The following SCARF1 variants were observed in gnomAD, a reference collection of about 807,000 sequenced individuals.
SCARF1 encodes the protein scavenger receptor class F member 1, also known as acetyl LDL receptor.
SCARF1 carries 49 observed loss-of-function variants against 76.3 expected under a neutral mutation model. The ratio of observed to expected loss-of-function variants is 0.64; its 90% CI spans 0.51 to 0.81. The LOEUF is 0.81. Among genes scored for constraint, SCARF1 ranks in the 40% least tolerant of loss-of-function variants. SCARF1 has a pLI of 0.00. For missense variants in SCARF1, 1,098 were observed against 1,143.9 expected (o/e 0.96, Z 0.58); for synonymous variants, 495 against 474.6 (o/e 1.04, Z -0.56).
In SCARF1 at chr17:1,638,857, A is replaced by G; in HGVS notation, c.1313T>C (p.Leu438Pro). The change falls in exon 8 of 11, where the codon CTT becomes CCT. Residue 438 changes from leucine (L) to proline (P), a missense_variant. Coordinates refer to ENST00000263071, the MANE Select transcript of SCARF1 (RefSeq NM_003693.4). Reference protein sequence around the residue: ...LVPLLLLFLGLACCACCCWAP... With the variant: ...LVPLLLLFLGPACCACCCWAP... The stretch of plus-strand genomic sequence containing the variant: ...CCAGCAGCAGCAGGCACAGCAGGCA[A>G]GGCCCAGGAAGAGCAGCAGCAGAGG... 6.2e-7 allele frequency: 1 copy of G among 1,611,048 alleles called. No homozygotes were observed. The highest frequency in any genetic ancestry group is 8.5e-7 in the Non-Finnish European group (1 of 1,178,416).
intron 4 of SCARF1, among the ~76,000 whole-genome samples, chr17:1,643,128 TCTC>T (rs1262912790): frequency 9.4e-6 from 1 of 106,926 alleles, no homozygotes; most frequent in East Asian, 2.8e-4. Flanking sequence ...CGCTCACAGG[TCTC>T]CGCGCAGCCT....
At chr17:1,638,752 C>G (rs74592592) in intron 8 of SCARF1, 54 bp downstream of exon 8, 12 of 1,478,612 alleles carry the variant, frequency 8.1e-6, no homozygotes, top group Non-Finnish European at 1.1e-5. Flanking sequence ...AGATGCCCCC[C>G]TGCTCCCACC....
chr17:1,634,310 A>C lies in SCARF1; in HGVS notation c.*448T>G. On this transcript the variant is annotated 3_prime_UTR_variant, in exon 11 of 11. Transcript: ENST00000263071. ...AGGCTGAGGCAGGAGAAGGGCGTGA[A>C]CCCGGGAGGCAGAGCTTGCAGTGAG... 1 of 253,730 alleles carries C rather than the reference A, an allele frequency of 3.9e-6. No homozygotes were observed. Among genetic ancestry groups the C allele is most frequent in the Non-Finnish European group, 7.4e-6 (1 of 135,774 alleles). The allele number at this position is 253,730 out of a possible 1,614,324, so 15.7% of individuals were successfully genotyped here.
intron 9 of SCARF1, 30 bp downstream of exon 9, chr17:1,636,911 C>G: frequency 6.2e-7 from 1 of 1,614,044 alleles, no homozygotes; most frequent in South Asian, 1.1e-5. Flanking sequence ...CCTGTCCAAT[C>G]CCAGACCCCG....
At position 1,640,162 on chromosome 17, in the gene SCARF1, G is replaced by A. The variant is rs1190134379; in HGVS notation, c.1011-122C>T. On this transcript the variant is annotated intron_variant, in intron 5 of 10. Coordinates refer to ENST00000263071, the MANE Select transcript of SCARF1 (RefSeq NM_003693.4). This position sits in a 1 kb window ranked among gnomAD's most constrained non-coding sequence, Gnocchi z 4.7. The stretch of plus-strand genomic sequence containing the variant: ...ACCCAACTGGCCACTCCTCAGCAGT[G>A]AAGCTCAGGTGCAAATAGGGCCTTG... The A allele has an allele frequency of 1.6e-6, 2 of 1,216,334 alleles. No homozygotes were observed. Among genetic ancestry groups the A allele is most frequent in the Admixed American group, 5.2e-5 (2 of 38,832 alleles). 75.3% of individuals were successfully genotyped at this position (1,216,334 alleles called of 1,614,324 possible).
At position 1,634,378 on chromosome 17, in the gene SCARF1, G is replaced by C. The variant is rs1291940046; in HGVS notation, c.*380C>G. On this transcript the variant is annotated 3_prime_UTR_variant, in exon 11 of 11. Transcript: ENST00000263071. ...CACTCCAGCCTGGGGGACAGAGGGAGATTCTGTCTCAAAAAAAAAAAAAAA... is the reference window on the plus strand; with the variant it reads ...CACTCCAGCCTGGGGGACAGAGGGACATTCTGTCTCAAAAAAAAAAAAAAA... 1 of 362,228 alleles carries C rather than the reference G, an allele frequency of 2.8e-6. No individual in the cohort carries two copies. Among genetic ancestry groups the C allele is most frequent in the Non-Finnish European group, 4.8e-6 (1 of 209,798 alleles). 22.4% of individuals were successfully genotyped at this position (362,228 alleles called of 1,614,324 possible).
At position 1,643,970 on chromosome 17, in the gene SCARF1, G is replaced by A; in HGVS notation, c.266-3C>T. On this transcript the variant is annotated splice_region_variant and splice_polypyrimidine_tract_variant and intron_variant, in intron 3 of 10. Transcript: ENST00000263071. ...GCCCCAGTACTGGCCCGGGCAGCCT[G>A]CGGGGGTGGGGACGGGAGGGGTCAG... 5 of 1,324,826 alleles carry A rather than the reference G, an allele frequency of 3.8e-6. No homozygotes were observed. The South Asian group carries it at 8.0e-5, about 21-fold the overall frequency. The allele number at this position is 1,324,826 out of a possible 1,614,324, so 82.1% of individuals were successfully genotyped here.
chr17:1,637,110 G>A (rs1038890305), intron 8 of SCARF1, 48 bp from the exon 9 acceptor site: 13 of 1,596,364 alleles, frequency 8.1e-6, no homozygotes, highest in Non-Finnish European at 1.1e-5. Flanking sequence ...GACCCACGGT[G>A]ACCTGGGTCA....
In SCARF1 at chr17:1,634,669, T is replaced by C; in HGVS notation, c.*89A>G. The C allele has an allele frequency of 6.8e-7, 1 of 1,474,738 alleles. No homozygotes were observed. The highest frequency in any genetic ancestry group is 9.0e-7 in the Non-Finnish European group (1 of 1,108,100). The allele number at this position is 1,474,738 out of a possible 1,614,324, so 91.4% of individuals were successfully genotyped here. A position where few individuals can be genotyped will look rare whatever the true frequency, so the allele number is the denominator to read the frequency against. On this transcript the variant is annotated 3_prime_UTR_variant, in exon 11 of 11. Coordinates refer to ENST00000263071, the MANE Select transcript of SCARF1 (RefSeq NM_003693.4). ...TTTCCCTGTGGAGGCGCAGAGGCTC[T>C]GGTTTGTCTGTCCTGGCCCCGGGAT... is the stretch of plus-strand genomic sequence containing the variant.
In SCARF1 at chr17:1,645,570, C is replaced by A. The variant is rs549499664; in HGVS notation, c.101+27G>T. ...TCCCACGAGACCCACCTGCTGGCCA[C>A]ACGCATCAGACTCCCACGAGACCCA... On this transcript the variant is annotated intron_variant, in intron 1 of 10. Transcript: ENST00000263071. This position sits in a 1 kb window ranked among gnomAD's most constrained non-coding sequence, Gnocchi z 6.3. The A allele has an allele frequency of 6.3e-7, 1 of 1,593,868 alleles. No homozygotes were observed. Among genetic ancestry groups the A allele is most frequent in the East Asian group, 2.3e-5 (1 of 43,642 alleles).
chr17:1,640,522 G>T lies in SCARF1; in HGVS notation c.936C>A (p.His312Gln), dbSNP rs757033579. 3 of 1,596,152 alleles carry T rather than the reference G, an allele frequency of 1.9e-6. No homozygotes were observed. The highest frequency in any genetic ancestry group is 2.6e-6 in the Non-Finnish European group (3 of 1,171,214). The part of the protein sequence containing the change: ...FGESCEQQCP[H>Q]CRHGEACEPD... ...GCTCACAGGCCTCCCCATGTCGGCA[G>T]TGAGGGCACTGCTGTTCGCAGCTCT... is the stretch of plus-strand genomic sequence containing the variant. The change falls in exon 5 of 11, where the codon CAC becomes CAA. Residue 312 changes from histidine (H) to glutamine (Q), a missense_variant. Transcript: ENST00000263071. The surrounding 1 kb of genome is among the most constrained non-coding windows in gnomAD (Gnocchi z 4.7).
Position 1,644,127 on chromosome 17 carries a change from T to C in SCARF1, c.266-160A>G. 1 of 495,660 alleles carries C rather than the reference T, an allele frequency of 2.0e-6. No individual in the cohort carries two copies. The highest frequency in any genetic ancestry group is 3.2e-6 in the Non-Finnish European group (1 of 313,702). 30.7% of individuals were successfully genotyped at this position (495,660 alleles called of 1,614,324 possible). A position where few individuals can be genotyped will look rare whatever the true frequency, so the allele number is the denominator to read the frequency against. On this transcript the variant is annotated intron_variant, in intron 3 of 10. Transcript: ENST00000263071. This position sits in a 1 kb window ranked among gnomAD's most constrained non-coding sequence, Gnocchi z 4.8. ...GCAGCCTGTCCTGGGCAACACTCAC[T>C]TCCTGCTCCGCTCTGACCTACAGAA...
chr17:1,642,020 C>G (rs1423229464), intron 4 of SCARF1, among the ~76,000 whole-genome samples: 2 of 152,130 alleles, frequency 1.3e-5, no homozygotes, highest in Non-Finnish European at 2.9e-5. Context: ...CCGCGCCCAG[C>G]CAGGGATGAA....
At position 1,643,825 on chromosome 17, in the gene SCARF1, G is replaced by A. The variant is rs1910303747; in HGVS notation, c.408C>T (p.Gly136=). The A allele has an allele frequency of 7.9e-7, 1 of 1,269,360 alleles. No individual in the cohort carries two copies. The highest frequency in any genetic ancestry group is 9.9e-7 in the Non-Finnish European group (1 of 1,010,764). The allele number at this position is 1,269,360 out of a possible 1,614,324, so 78.6% of individuals were successfully genotyped here. A position where few individuals can be genotyped will look rare whatever the true frequency, so the allele number is the denominator to read the frequency against. ...TCGCGGGGTCGCAGCGCCCGTGGGG[G>A]CCGCAGGCGCACGGGAACTCGCAGC... The part of the protein sequence containing the change: ...GARCEFPCAC[G]PHGRCDPATG... Residue 136 remains glycine (G), a synonymous_variant, in exon 4 of 11, where the codon GGC becomes GGT. Transcript: ENST00000263071.
intron 4 of SCARF1, 89 bp downstream of exon 4, chr17:1,643,353 C>T (rs1910239171): frequency 8.0e-6 from 2 of 249,094 alleles, no homozygotes; most frequent in Admixed American, 7.5e-5. Flanking sequence ...CTGTCTCCGC[C>T]CCGCCCCCCT....
intron 4 of SCARF1, among the ~76,000 whole-genome samples, chr17:1,641,199 G>A (rs1910025526): frequency 6.6e-6 from 1 of 152,238 alleles, no homozygotes. Context: ...GAGATGACCA[G>A]CAGGGGAGCC....
Position 1,644,823 on chromosome 17 carries a change from T to C in SCARF1, c.265+11A>G, listed in dbSNP as rs1490586484. ...TCTGCCCAGCAACTTCATCTGGCCCTTGAGACTCACGGGAGCTGCAGTGGG... is the reference window on the plus strand; with the variant it reads ...TCTGCCCAGCAACTTCATCTGGCCCCTGAGACTCACGGGAGCTGCAGTGGG... On this transcript the variant is annotated intron_variant, in intron 3 of 10. Transcript: ENST00000263071. The surrounding 1 kb of genome is among the most constrained non-coding windows in gnomAD (Gnocchi z 4.8). 2 of 1,609,600 alleles carry C rather than the reference T, an allele frequency of 1.2e-6. No homozygotes were observed. Among genetic ancestry groups the C allele is most frequent in the South Asian group, 2.2e-5 (2 of 90,414 alleles).
Position 1,634,858 on chromosome 17 carries a change from C to T in SCARF1, c.2393G>A (p.Gly798Asp). 1 of 1,614,082 alleles carries T rather than the reference C, an allele frequency of 6.2e-7. No homozygotes were observed. The highest frequency in any genetic ancestry group is 8.5e-7 in the Non-Finnish European group (1 of 1,179,988). Residue 798 changes from glycine to aspartate, a missense_variant, in exon 11 of 11, where the codon GGC becomes GAC. Coordinates refer to ENST00000263071, the MANE Select transcript of SCARF1 (RefSeq NM_003693.4). ...RRAQEPVSGCGSPEQDPQKQA... is the reference protein window; with the variant it reads ...RRAQEPVSGCDSPEQDPQKQA... Reference sequence around the variant, plus strand: ...CTTCTGGGGATCCTGTTCTGGGGAGCCACAGCCAGAGACTGGCTCCTGGGC... The same window carrying T: ...CTTCTGGGGATCCTGTTCTGGGGAGTCACAGCCAGAGACTGGCTCCTGGGC...
intron 7 of SCARF1, among the ~76,000 whole-genome samples, 162 bp from the exon 8 acceptor site, chr17:1,639,088 G>C (rs115002179): frequency 0.011 from 1,749 of 152,350 alleles, 35 homozygotes; most frequent in African/African-American, 0.041. Flanking sequence ...TCTTGCCCCT[G>C]AGGCCATGTC....
Sources: gnomAD v4.1 joint callset for allele counts (sites outside exome capture counted in the v4.1 genomes callset) on GRCh38, gnomAD v4.1.1 for gene constraint, Gnocchi (gnomAD v3.1) non-coding constraint, MANE v1.5 for transcripts, NCBI Gene and HGNC (gene_info 2026-07-23, HGNC 2026-07-21) for gene names.